Variants in ZNF823 observed in about 807,000 individuals in gnomAD.
The protein encoded by ZNF823 is ZFP 36 for a zinc finger protein.
ZNF823 carries 5 observed loss-of-function variants against 11.4 expected under a neutral mutation model. The observed-to-expected ratio is 0.44, with a 90% CI of 0.23 to 0.92. ZNF823 has a LOEUF of 0.92. Among genes scored for constraint, ZNF823 ranks in the 40% least tolerant of loss-of-function variants. The pLI is 0.24. For missense variants in ZNF823, 582 were observed against 738.5 expected, an observed-to-expected ratio of 0.79 and a Z score of 2.46; for synonymous variants, 234 against 250.5, an observed-to-expected ratio of 0.93 and a Z score of 0.62.
At chr19:11,726,287 C>CACAT (rs1974789487) in intron 1 of ZNF823, among the ~76,000 whole-genome samples, 1 of 112,244 alleles carries the variant, frequency 8.9e-6, no homozygotes, top group Non-Finnish European at 2.0e-5. Flanking sequence ...ATAAAAAATA[C>CACAT]ATATATATAT....
In ZNF823 at chr19:11,723,353, T is replaced by C; in HGVS notation, c.192-11A>G. On this transcript the variant is annotated splice_polypyrimidine_tract_variant and intron_variant, in intron 3 of 3. Coordinates refer to ENST00000341191, the MANE Select transcript of ZNF823 (RefSeq NM_001080493.4). ...TCACATGTATGACTTCTGTAACAAA[T>C]AAGAAATATATTACTAAAGGTTTGT... 1 of 1,568,158 alleles carries C rather than the reference T, an allele frequency of 6.4e-7. No individual in the cohort carries two copies. Among genetic ancestry groups the C allele is most frequent in the Non-Finnish European group, 8.6e-7 (1 of 1,157,594 alleles).
intron 1 of ZNF823, among the ~76,000 whole-genome samples, chr19:11,735,046 G>A (rs1055802109): frequency 6.6e-6 from 1 of 151,914 alleles, no homozygotes; most frequent in African/African-American, 2.4e-5. Flanking sequence ...AGGCCGAGGT[G>A]GGCTGATCAC....
At position 11,722,636 on chromosome 19, in the gene ZNF823, C is replaced by T; in HGVS notation, c.898G>A (p.Gly300Arg). Residue 300 changes from glycine to arginine, a missense_variant, in exon 4 of 4, where the codon GGA (glycine) becomes AGA (arginine). Gly to Arg is a moderately radical substitution (Grantham distance 125). This residue lies in a region of ZNF823 where 429 missense variants were observed against 553.7 expected (regional missense o/e 0.77). Transcript: ENST00000341191. This position sits in a 1 kb window ranked among gnomAD's most constrained non-coding sequence, Gnocchi z 5.2. ...YTRLHERTHT[G>R]EQPYACKQCG... Reference sequence around the variant, plus strand: ...TGCTTACATGCATAGGGTTGTTCTCCCGTGTGAGTCCTTTCATGTAGTCGA... The same window carrying T: ...TGCTTACATGCATAGGGTTGTTCTCTCGTGTGAGTCCTTTCATGTAGTCGA... 1 of 1,613,946 alleles carries T rather than the reference C, an allele frequency of 6.2e-7. No individual in the cohort carries two copies. The highest frequency in any genetic ancestry group is 8.5e-7 in the Non-Finnish European group (1 of 1,179,960).
chr19:11,738,412 C>T (rs901599594), intron 1 of ZNF823, among the ~76,000 whole-genome samples: 2 of 152,250 alleles, frequency 1.3e-5, no homozygotes, highest in Non-Finnish European at 2.9e-5. Flanking sequence ...CATCCCCAAA[C>T]CTCTCAGGGA....
intron 1 of ZNF823, among the ~76,000 whole-genome samples, chr19:11,726,287 CAT>C (rs139368397): frequency 0.016 from 1,795 of 112,214 alleles, 63 homozygotes; most frequent in African/African-American, 0.044. Context: ...ATAAAAAATA[CAT>C]ATATATATAT....
chr19:11,735,720 C>T (rs558033626), intron 1 of ZNF823, among the ~76,000 whole-genome samples: 1 of 152,108 alleles, frequency 6.6e-6, no homozygotes, highest in Non-Finnish European at 1.5e-5. Context: ...CTTACCCTTA[C>T]ATGCCTTACA....
chr19:11,723,355 A>T lies in ZNF823; in HGVS notation c.192-13T>A. On this transcript the variant is annotated splice_polypyrimidine_tract_variant and intron_variant, in intron 3 of 3. Transcript: ENST00000341191. ...ACATGTATGACTTCTGTAACAAATA[A>T]GAAATATATTACTAAAGGTTTGTTT... 1 of 1,565,116 alleles carries T rather than the reference A, an allele frequency of 6.4e-7. No homozygotes were observed. Among genetic ancestry groups the T allele is most frequent in the South Asian group, 1.2e-5 (1 of 85,378 alleles).
chr19:11,723,743 C>CAA (rs1974739550), intron 3 of ZNF823, among the ~76,000 whole-genome samples: 1 of 152,136 alleles, frequency 6.6e-6, no homozygotes, highest in Non-Finnish European at 1.5e-5. Context: ...CAGGGTTTCT[C>CAA]CATGTTGGCC....
intron 1 of ZNF823, among the ~76,000 whole-genome samples, chr19:11,734,302 T>C (rs989321426): frequency 2.0e-5 from 3 of 151,808 alleles, no homozygotes; most frequent in Admixed American, 2.0e-4. Flanking sequence ...CTAAGTCCTG[T>C]GTGTTCTGAA....
Position 11,722,041 on chromosome 19 carries a change from G to A in ZNF823, c.1493C>T (p.Pro498Leu), listed in dbSNP as rs1196264908. The A allele has an allele frequency of 1.2e-6, 2 of 1,613,092 alleles. No individual in the cohort carries two copies. Among genetic ancestry groups the A allele is most frequent in the East Asian group, 4.5e-5 (2 of 44,814 alleles). Reference sequence around the variant, plus strand: ...TTTTCTACATGTTTTACACTCATAAGGTTTTTCTACTGTGTGGGTCCTTTT... The same window carrying A: ...TTTTCTACATGTTTTACACTCATAAAGTTTTTCTACTGTGTGGGTCCTTTT... ...QHKRTHTVEK[P>L]YECKTCRKAF... The change falls in exon 4 of 4, where the codon CCT becomes CTT. Residue 498 changes from proline to leucine, a missense_variant. Pro to Leu is a moderately conservative substitution (Grantham distance 98). Around this residue, in one of 3 missense-constraint regions of ZNF823, gnomAD observed 144 missense variants for 154.3 expected, o/e 0.93. Transcript: ENST00000341191. The surrounding 1 kb of genome is among the most constrained non-coding windows in gnomAD (Gnocchi z 5.2).
chr19:11,733,561 T>C (rs1039972878), intron 1 of ZNF823, among the ~76,000 whole-genome samples: 2 of 151,446 alleles, frequency 1.3e-5, no homozygotes, highest in African/African-American at 2.4e-5. Flanking sequence ...TGGCTGGGCG[T>C]GGTGGTGCAC....
Position 11,722,080 on chromosome 19 carries a change from T to C in ZNF823, c.1454A>G (p.Tyr485Cys). ...ECGKAFSCFK[Y>C]LSQHKRTHTV... ...GTGGGTCCTTTTATGTTGAGAAAGG[T>C]ATTTGAAACAACTGAATGCTTTCCC... Residue 485 changes from tyrosine (Y) to cysteine (C), a missense_variant, in exon 4 of 4, where the codon TAC becomes TGC. By Grantham distance (194) the Tyr-to-Cys change is radical. Transcript: ENST00000341191. This position sits in a 1 kb window ranked among gnomAD's most constrained non-coding sequence, Gnocchi z 5.2. 1 of 1,611,190 alleles carries C rather than the reference T, an allele frequency of 6.2e-7. No homozygotes were observed.
intron 1 of ZNF823, chr19:11,730,405 T>C (rs1021023855): frequency 4.6e-5 from 7 of 152,152 alleles, no homozygotes; most frequent in African/African-American, 1.7e-4. Context: ...CAAAACCTCA[T>C]CTCTACAAAA....
At chr19:11,727,768 A>C (rs544843950) in intron 1 of ZNF823, among the ~76,000 whole-genome samples, 141 of 152,306 alleles carry the variant, frequency 9.3e-4, no homozygotes, top group Non-Finnish European at 1.7e-3. Flanking sequence ...ACAGCAGACC[A>C]AGTTTTCAAT....
At position 11,724,176 on chromosome 19, in the gene ZNF823, T is replaced by C. The variant is rs777510943; in HGVS notation, c.191+18A>G. On this transcript the variant is annotated intron_variant, in intron 3 of 3. Coordinates refer to ENST00000341191, the MANE Select transcript of ZNF823 (RefSeq NM_001080493.4). ...AACCACTGCAGGGACATAGCTTTCT[T>C]TTGTGGGTGCAAATTACCTTAGATT... 4 of 1,601,772 alleles carry C rather than the reference T, an allele frequency of 2.5e-6. No homozygotes were observed. In the East Asian group the frequency reaches 9.0e-5, roughly 36 times the overall value.
chr19:11,738,590 G>C (rs1420906816), intron 1 of ZNF823, among the ~76,000 whole-genome samples: 1 of 152,352 alleles, frequency 6.6e-6, no homozygotes, highest in East Asian at 1.9e-4. Context: ...CGCCGGGGCC[G>C]GGGCCGCAGC....
At chr19:11,731,776 G>A (rs1426816023) in intron 1 of ZNF823, among the ~76,000 whole-genome samples, 3 of 152,124 alleles carry the variant, frequency 2.0e-5, no homozygotes, top group African/African-American at 7.2e-5. Flanking sequence ...TTGAGAGGCT[G>A]AGGCAGGTGG....
intron 1 of ZNF823, among the ~76,000 whole-genome samples, chr19:11,727,119 TTATC>T (rs1974805055): frequency 6.6e-6 from 1 of 152,212 alleles, no homozygotes; most frequent in South Asian, 2.1e-4. Flanking sequence ...CCTCTCATGA[TTATC>T]TATAATATTT....
chr19:11,728,738 AG>A (rs1231907538), intron 1 of ZNF823, among the ~76,000 whole-genome samples: 2 of 152,258 alleles, frequency 1.3e-5, no homozygotes, highest in African/African-American at 4.8e-5. Flanking sequence ...GAAAAAGTGG[AG>A]AAGTTGAAAA....
Sources: gnomAD v4.1 joint callset for allele counts (sites outside exome capture counted in the v4.1 genomes callset) on GRCh38, gnomAD v4.1.1 for gene constraint, gnomAD v4.1.1 regional missense constraint, Gnocchi (gnomAD v3.1) non-coding constraint, MANE v1.5 for transcripts, NCBI Gene and HGNC (gene_info 2026-07-23, HGNC 2026-07-21) for gene names.